ANO3: variants seen among roughly 807,000 people sequenced by gnomAD.
The protein encoded by ANO3 is anoctamin-3.
A neutral mutation model predicts 144.8 loss-of-function variants in ANO3; 99 were observed. The ratio of observed to expected loss-of-function variants is 0.68; its 90% CI spans 0.58 to 0.81. The LOEUF is 0.81. Among genes scored for constraint, ANO3 ranks in the 30% least tolerant of loss-of-function variants. The pLI, the probability that ANO3 is intolerant of heterozygous loss-of-function variation, is 0.00. For missense variants in ANO3, 905 were observed against 1,202.2 expected, an observed-to-expected ratio of 0.75 and a Z score of 3.66; for synonymous variants, 414 against 392.6, an observed-to-expected ratio of 1.05 and a Z score of -0.64.
chr11:26,428,328 T>C (rs1590350488), intron 1 of ANO3, among the ~76,000 whole-genome samples: 1 of 152,162 alleles, frequency 6.6e-6, no homozygotes, highest in African/African-American at 2.4e-5. Flanking sequence ...GGAAAATTGA[T>C]TTAGATTGGT....
At chr11:26,314,744 A>G (rs891131134) in intron 1 of ANO3, among the ~76,000 whole-genome samples, 3 of 152,216 alleles carry the variant, frequency 2.0e-5, no homozygotes, top group African/African-American at 7.2e-5. Flanking sequence ...CATAATAAAT[A>G]TGTGAAATAA....
rs201093158 is a variant in ANO3 at position 26,553,219 on chromosome 11, G to GTTTTTT, written c.1290-26_1290-25insTTTTTT. On this transcript the variant is annotated intron_variant, in intron 12 of 26. Transcript: ENST00000256737. ...TAGTCACAGTTTCATGCTATGTTTT[G>GTTTTTT]TTTTGTTTTTGTTTTTGTTTTTTCT... 2.2e-3 allele frequency: 2,615 copies of GTTTTTT among 1,196,330 alleles called. 124 individuals carry two copies. Among genetic ancestry groups the GTTTTTT allele is most frequent in the South Asian group, 7.7e-3 (589 of 76,014 alleles). 74.1% of individuals were successfully genotyped at this position (1,196,330 alleles called of 1,614,324 possible).
At chr11:26,554,743 T>C (rs1467840482) in intron 13 of ANO3, among the ~76,000 whole-genome samples, 1 of 152,162 alleles carries the variant, frequency 6.6e-6, no homozygotes, top group Non-Finnish European at 1.5e-5. Flanking sequence ...CTTGCATACA[T>C]ACTCACTGAG....
chr11:26,590,290 C>T (rs1851406931), intron 14 of ANO3, among the ~76,000 whole-genome samples: 1 of 152,162 alleles, frequency 6.6e-6, no homozygotes, highest in South Asian at 2.1e-4. Flanking sequence ...GCGATTATTC[C>T]TTTTAATTCT....
chr11:26,632,036 A>G (rs1180274994), intron 18 of ANO3, among the ~76,000 whole-genome samples: 1 of 151,694 alleles, frequency 6.6e-6, no homozygotes, highest in Non-Finnish European at 1.5e-5. Context: ...CTCCCCACCA[A>G]AAAAAGTTAG....
chr11:26,465,975 GT>G (rs1288305635), intron 4 of ANO3, among the ~76,000 whole-genome samples: 7 of 151,838 alleles, frequency 4.6e-5, no homozygotes, highest in Non-Finnish European at 1.0e-4. Context: ...CAAATCATAA[GT>G]TTTTAGCATG....
chr11:26,241,855 A>G (rs938823669), intron 1 of ANO3, among the ~76,000 whole-genome samples: 1 of 152,184 alleles, frequency 6.6e-6, no homozygotes, highest in South Asian at 2.1e-4. Context: ...CCCAGGCAGT[A>G]TCTGAATCCA....
intron 1 of ANO3, among the ~76,000 whole-genome samples, chr11:26,424,499 A>C (rs1024191898): frequency 5.3e-5 from 8 of 152,020 alleles, no homozygotes. Flanking sequence ...AGGGTATGCT[A>C]AGAGCATTTT....
chr11:26,575,180 A>G (rs1366070724), intron 14 of ANO3, among the ~76,000 whole-genome samples: 1 of 152,020 alleles, frequency 6.6e-6, no homozygotes, highest in Non-Finnish European at 1.5e-5. Context: ...TGAAAAACAA[A>G]CACAAACCCT....
intron 1 of ANO3, among the ~76,000 whole-genome samples, chr11:26,212,314 A>T: frequency 6.6e-6 from 1 of 152,062 alleles, no homozygotes; most frequent in Non-Finnish European, 1.5e-5. Flanking sequence ...AGGTGGAGAC[A>T]TGAAAAACCC....
chr11:26,234,856 A>G (rs1852480772), intron 1 of ANO3, among the ~76,000 whole-genome samples: 1 of 141,130 alleles, frequency 7.1e-6, no homozygotes, highest in Non-Finnish European at 1.6e-5. Flanking sequence ...AGCTGGAGAA[A>G]CAGAAAAGCT....
chr11:26,642,030 G>C lies in ANO3; in HGVS notation c.2275+1G>C. On this transcript the variant is annotated splice_donor_variant, in intron 22 of 26. Transcript: ENST00000256737. LOFTEE classifies it high-confidence loss of function. ...CTGATGGATGAGTACTTAGAAATGG[G>C]TAAGGAAAAAAAATCTGCAGGACTA... The C allele has an allele frequency of 6.2e-7, 1 of 1,606,722 alleles. No individual in the cohort carries two copies. The highest frequency in any genetic ancestry group is 8.5e-7 in the Non-Finnish European group (1 of 1,177,470).
rs201372899 is a variant in ANO3 at position 26,450,607 on chromosome 11, C to G, written c.313+6771C>G. 2.0e-5 allele frequency among the ~76,000 whole-genome samples: 3 copies of G among 152,156 alleles called. No individual in the cohort carries two copies. The East Asian group carries it at 5.8e-4, about 29-fold the overall frequency. On this transcript the variant is annotated intron_variant, in intron 3 of 26. Transcript: ENST00000256737. ...AAAGGTCCAGTTTCAGGTACCAACC[C>G]TGTCACTTACTACTTGGGTACACAC... is the stretch of plus-strand genomic sequence containing the variant.
intron 1 of ANO3, among the ~76,000 whole-genome samples, chr11:26,356,938 T>G (rs978686328): frequency 6.6e-6 from 1 of 152,158 alleles, no homozygotes; most frequent in Non-Finnish European, 1.5e-5. Flanking sequence ...TATAAGGACA[T>G]TGGAAATTAT....
chr11:26,247,431 C>A (rs1590214551), intron 1 of ANO3, among the ~76,000 whole-genome samples: 1 of 151,980 alleles, frequency 6.6e-6, no homozygotes, highest in Admixed American at 6.6e-5. Flanking sequence ...TTTATTTCAC[C>A]AAGCTATCTG....
intron 20 of ANO3, among the ~76,000 whole-genome samples, chr11:26,636,452 T>C (rs1030911788): frequency 6.6e-6 from 1 of 152,222 alleles, no homozygotes; most frequent in African/African-American, 2.4e-5. Flanking sequence ...TAATAATAGC[T>C]AAGATTTATT....
intron 17 of ANO3, among the ~76,000 whole-genome samples, chr11:26,620,912 T>C (rs1278850565): frequency 6.6e-6 from 1 of 152,176 alleles, no homozygotes; most frequent in Non-Finnish European, 1.5e-5. Context: ...CATAAGAGGA[T>C]TGGCTTTTTA....
At chr11:26,253,216 C>T (rs1852974957) in intron 1 of ANO3, among the ~76,000 whole-genome samples, 2 of 152,108 alleles carry the variant, frequency 1.3e-5, no homozygotes, top group South Asian at 4.1e-4. Context: ...CAAAAGTGTG[C>T]TAAAATATGA....
chr11:26,598,304 T>A, intron 14 of ANO3, 61 bp from the exon 15 acceptor site: 1 of 825,098 alleles, frequency 1.2e-6, no homozygotes, highest in Non-Finnish European at 1.8e-6. Flanking sequence ...TATCTCAATA[T>A]AAAGAAGAAA....
Sources: allele counts gnomAD v4.1 joint callset (sites outside exome capture counted in the v4.1 genomes callset), GRCh38; gene constraint gnomAD v4.1.1; transcripts MANE v1.5; gene names NCBI Gene and HGNC (gene_info 2026-07-23, HGNC 2026-07-21).